The following RRP9 variants were observed in gnomAD, a reference collection of about 807,000 sequenced individuals.
RRP9 encodes ribosomal RNA processing 9, U3 small nucleolar RNA binding protein, also known as U3 small nucleolar RNA-interacting protein 2.
In RRP9, 35 loss-of-function variants were observed where a neutral mutation model predicts 65.5. The observed-to-expected ratio is 0.53, with a 90% confidence interval of 0.41 to 0.71. The LOEUF is 0.71. Ranked by LOEUF, RRP9 falls within the 30% of genes least tolerant of loss-of-function variation. The pLI is 0.00. For missense variants in RRP9, 533 were observed against 633.6 expected (o/e 0.84, Z 1.70); for synonymous variants, 254 against 245.0 (o/e 1.04, Z -0.34).
rs749974074 is a variant in RRP9 at position 51,937,654 on chromosome 3, T to C, written c.348+15A>G. On this transcript the variant is annotated intron_variant, in intron 4 of 14. Coordinates refer to ENST00000232888, the MANE Select transcript of RRP9 (RefSeq NM_004704.5). The surrounding 1 kb of genome is among the most constrained non-coding windows in gnomAD (Gnocchi z 5.0). ...CTCCACCCCCGTCCTCCCCCAACTCTCCCTCCACACTTACCACATCCTCCT... is the reference window on the plus strand; with the variant it reads ...CTCCACCCCCGTCCTCCCCCAACTCCCCCTCCACACTTACCACATCCTCCT... The C allele has an allele frequency of 1.5e-5, 24 of 1,613,896 alleles. No individual in the cohort carries two copies. Among genetic ancestry groups the C allele is most frequent in the Non-Finnish European group, 1.9e-5 (23 of 1,179,986 alleles).
At position 51,933,865 on chromosome 3, in the gene RRP9, A is replaced by G. The variant is rs551363990; in HGVS notation, c.1261-84T>C. 1.1e-4 allele frequency: 151 copies of G among 1,353,844 alleles called. No individual in the cohort carries two copies. In the South Asian group the frequency reaches 1.6e-3, roughly 14 times the overall value. 83.9% of individuals were successfully genotyped at this position (1,353,844 alleles called of 1,614,324 possible). A position where few individuals can be genotyped will look rare whatever the true frequency, so the allele number is the denominator to read the frequency against. On this transcript the variant is annotated intron_variant, in intron 13 of 14. Transcript: ENST00000232888. ...GCATCACAGTCAAGGGCTGGGCCTT[A>G]TCAGGCCTGGGTTAAATCCCTGCTC... is the stretch of plus-strand genomic sequence containing the variant.
At position 51,937,438 on chromosome 3, in the gene RRP9, AC is replaced by A; in HGVS notation, c.390+106del. On this transcript the variant is annotated intron_variant, in intron 5 of 14. Coordinates refer to ENST00000232888, the MANE Select transcript of RRP9 (RefSeq NM_004704.5). The surrounding 1 kb of genome is among the most constrained non-coding windows in gnomAD (Gnocchi z 5.0). ...CAGAAGGAAAACAAGACCCAAGGCT[AC>A]AACAACCAGATCCTTACCTGACCAG... 1 of 1,605,282 alleles carries A rather than the reference AC, an allele frequency of 6.2e-7. No individual in the cohort carries two copies. Among genetic ancestry groups the A allele is most frequent in the Non-Finnish European group, 8.5e-7 (1 of 1,172,706 alleles).
rs1318162383 is a variant in RRP9, at chr3:51,935,374, G to C, written c.939C>G (p.Pro313=). The part of the protein sequence containing the change: ...RDGTVRVWKI[P]EESQLVFYGH... ...CATAGAAGACAAGCTGGGACTCCTC[G>C]GGGATCTTCCACACACGTACAGTCC... The change falls in exon 10 of 15, where the codon CCC becomes CCG. Residue 313 remains proline (P), a synonymous_variant. Transcript: ENST00000232888. 1.9e-6 allele frequency: 3 copies of C among 1,614,080 alleles called. No individual in the cohort carries two copies. Among genetic ancestry groups the C allele is most frequent in the Non-Finnish European group, 2.5e-6 (3 of 1,179,988 alleles).
At chr3:51,941,730 G>T in intron 1 of RRP9, 51 bp downstream of exon 1, 1 of 1,466,558 alleles carries the variant, frequency 6.8e-7, no homozygotes, top group Non-Finnish European at 9.2e-7. Context: ...ATGGGATGAC[G>T]GTTGTCCCAG....
Position 51,937,223 on chromosome 3 carries a change from G to GTC in RRP9, c.485_486insGA (p.Phe162LeufsTer23), listed in dbSNP as rs778215822. The GTC allele has an allele frequency of 6.2e-7, 1 of 1,613,834 alleles. No individual in the cohort carries two copies. Among genetic ancestry groups the GTC allele is most frequent in the African/African-American group, 1.3e-5 (1 of 74,954 alleles). On this transcript the variant is annotated frameshift_variant, in exon 6 of 15. Transcript: ENST00000232888. LOFTEE classifies it high-confidence loss of function. This position sits in a 1 kb window ranked among gnomAD's most constrained non-coding sequence, Gnocchi z 5.0. ...TGATGCTGCAGTCTTTGGCAGCAGAGAAGATGGCTGAGTCATCGGGGGTGA... is the reference window on the plus strand; with the variant it reads ...TGATGCTGCAGTCTTTGGCAGCAGAGTCAAGATGGCTGAGTCATCGGGGGTGA...
chr3:51,940,255 C>T (rs1426834614), intron 2 of RRP9, among the ~76,000 whole-genome samples: 3 of 149,610 alleles, frequency 2.0e-5, no homozygotes, highest in African/African-American at 7.4e-5. Flanking sequence ...GACTCTGTCT[C>T]AAAAACAAAA....
chr3:51,935,210 C>T lies in RRP9; in HGVS notation c.1021G>A (p.Gly341Ser), dbSNP rs138014839. The change falls in exon 11 of 15, where the codon GGC becomes AGC. Residue 341 changes from glycine (G) to serine (S), a missense_variant. Around this residue, in one of 3 missense-constraint regions of RRP9, gnomAD observed 449 missense variants for 550.6 expected, o/e 0.82. Coordinates refer to ENST00000232888, the MANE Select transcript of RRP9 (RefSeq NM_004704.5). The stretch of plus-strand genomic sequence containing the variant: ...AGGACCTCTTACCCATCGTCCGCGC[C>T]GGACACCATGTGCTCCTCATTGATT... Reference protein sequence around the residue: ...HLINEEHMVSGADDGSVALWG... With the variant: ...HLINEEHMVSSADDGSVALWG... 5.0e-6 allele frequency: 8 copies of T among 1,614,028 alleles called. No homozygotes were observed. Among genetic ancestry groups the T allele is most frequent in the African/African-American group, 1.3e-5 (1 of 74,922 alleles).
At chr3:51,938,336 A>G (rs2106676182) in intron 2 of RRP9, 132 bp from the exon 3 acceptor site, 1 of 654,612 alleles carries the variant, frequency 1.5e-6, no homozygotes, top group Middle Eastern at 3.7e-4. Context: ...CGGTGACTAC[A>G]CTGCAGAAAA....
chr3:51,935,755 GC>G, intron 8 of RRP9, 63 bp from the exon 9 acceptor site: 1 of 1,398,556 alleles, frequency 7.2e-7, no homozygotes, highest in Non-Finnish European at 1.0e-6. Flanking sequence ...GACAGGTCAG[GC>G]CCAGGGAGGA....
chr3:51,935,462 T>C lies in RRP9; in HGVS notation c.851A>G (p.Asp284Gly). 2.5e-6 allele frequency: 4 copies of C among 1,614,138 alleles called. No individual in the cohort carries two copies. The highest frequency in any genetic ancestry group is 3.4e-6 in the Non-Finnish European group (4 of 1,180,024). ...CAAGGCATCCAGTGCAGCCACAGCG[T>C]CCTGGTGTCCGAAGCTAGAGGGCCG... is the stretch of plus-strand genomic sequence containing the variant. The part of the protein sequence containing the change: ...SYVETLFGHQ[D>G]AVAALDALSR... Residue 284 changes from aspartate to glycine, a missense_variant, in exon 10 of 15, where the codon GAC becomes GGC. Asp to Gly is a moderately conservative substitution (Grantham distance 94, BLOSUM62 -1). Around this residue, in one of 3 missense-constraint regions of RRP9, gnomAD observed 449 missense variants for 550.6 expected, o/e 0.82. Coordinates refer to ENST00000232888, the MANE Select transcript of RRP9 (RefSeq NM_004704.5).
In RRP9 at chr3:51,937,154, G is replaced by C; in HGVS notation, c.517+38C>G. 1 of 1,608,790 alleles carries C rather than the reference G, an allele frequency of 6.2e-7. No individual in the cohort carries two copies. On this transcript the variant is annotated intron_variant, in intron 6 of 14. Transcript: ENST00000232888. The surrounding 1 kb of genome is among the most constrained non-coding windows in gnomAD (Gnocchi z 5.0). ...TCCCCTGACCAGCCCTCCCGGATCC[G>C]CCATGGGGGCTCCAGCCCCACCCAG...
Position 51,941,761 on chromosome 3 carries a change from C to T in RRP9, c.87+20G>A. The T allele has an allele frequency of 6.5e-7, 1 of 1,544,440 alleles. No homozygotes were observed. The highest frequency in any genetic ancestry group is 8.7e-7 in the Non-Finnish European group (1 of 1,150,944). ...CCCAGTAGCAGGGCTGACCGCGGCC[C>T]TCAGAAGCGCCATGCTCACCTTTCG... On this transcript the variant is annotated intron_variant, in intron 1 of 14. Transcript: ENST00000232888.
chr3:51,935,071 T>C, intron 11 of RRP9, 126 bp downstream of exon 11: 1 of 1,016,662 alleles, frequency 9.8e-7, no homozygotes, highest in Non-Finnish European at 1.5e-6. Context: ...CTCATCATCC[T>C]CATCCATGAA....
chr3:51,934,927 G>A lies in RRP9; in HGVS notation c.1035-151C>T, dbSNP rs1699435868. The A allele has an allele frequency of 3.2e-6, 3 of 934,052 alleles. No individual in the cohort carries two copies. Among genetic ancestry groups the A allele is most frequent in the Non-Finnish European group, 4.7e-6 (3 of 636,028 alleles). 57.9% of individuals were successfully genotyped at this position (934,052 alleles called of 1,614,324 possible). On this transcript the variant is annotated intron_variant, in intron 11 of 14. Transcript: ENST00000232888. This position sits in a 1 kb window ranked among gnomAD's most constrained non-coding sequence, Gnocchi z 4.1. ...GCATGCCTGTATCAAAACATCTCAAGTACCCCACAAATACGTACACCTACT... is the reference window on the plus strand; with the variant it reads ...GCATGCCTGTATCAAAACATCTCAAATACCCCACAAATACGTACACCTACT...
Position 51,938,164 on chromosome 3 carries a change from G to GCTCCTC in RRP9, c.205_210dup (p.Glu69_Glu70dup), listed in dbSNP as rs148178643. The GCTCCTC allele has an allele frequency of 1.5e-5, 24 of 1,593,532 alleles. No individual in the cohort carries two copies. The highest frequency in any genetic ancestry group is 1.8e-5 in the Non-Finnish European group (21 of 1,171,746). On this transcript the variant is annotated inframe_insertion, in exon 3 of 15. Transcript: ENST00000232888. ...TTCTTTTCCTGTGCAGTTTCCTCCA[G>GCTCCTC]CTCCTCCTCCTCCTCCTCCTCAGGC...
intron 8 of RRP9, 143 bp from the exon 9 acceptor site, chr3:51,935,835 C>A: frequency 1.5e-6 from 1 of 656,358 alleles, no homozygotes. Flanking sequence ...GCCCATCTGC[C>A]CCTGAGCAGA....
chr3:51,936,865 C>T (rs750782528), intron 6 of RRP9, among the ~76,000 whole-genome samples: 9 of 152,206 alleles, frequency 5.9e-5, no homozygotes, highest in East Asian at 1.9e-4. Flanking sequence ...CAGCCAGCAA[C>T]GGATGGGAAC....
rs1481867186 is a variant in RRP9 at position 51,934,963 on chromosome 3, A to G, written c.1035-187T>C. Among the ~76,000 whole-genome samples, 3 of 152,102 alleles carry G rather than the reference A, an allele frequency of 2.0e-5. No homozygotes were observed. The highest frequency in any genetic ancestry group is 7.2e-5 in the African/African-American group (3 of 41,412). ...ATACGTACACCTACTAAGCACCCAC[A>G]ACAAATTTTTTTTAATTCTAAAAAA... On this transcript the variant is annotated intron_variant, in intron 11 of 14. Transcript: ENST00000232888. This position sits in a 1 kb window ranked among gnomAD's most constrained non-coding sequence, Gnocchi z 4.1.
intron 2 of RRP9, among the ~76,000 whole-genome samples, chr3:51,940,511 T>C (rs1231986504): frequency 6.6e-6 from 1 of 151,914 alleles, no homozygotes; most frequent in Non-Finnish European, 1.5e-5. Context: ...TGACCAGTCC[T>C]CCTGTTTTTG....
Sources: gnomAD v4.1 joint callset for allele counts (sites outside exome capture counted in the v4.1 genomes callset) on GRCh38, gnomAD v4.1.1 for gene constraint, gnomAD v4.1.1 regional missense constraint, Gnocchi (gnomAD v3.1) non-coding constraint, MANE v1.5 for transcripts, NCBI Gene and HGNC (gene_info 2026-07-23, HGNC 2026-07-21) for gene names.